Variants in MRTFA observed in about 807,000 individuals in gnomAD.
MRTFA encodes myocardin-related transcription factor A.
In MRTFA, 20 loss-of-function variants were observed where a neutral mutation model predicts 83.5. That is an observed-to-expected ratio of 0.24 (90% CI 0.17 to 0.35). The LOEUF is 0.35. Among genes scored for constraint, MRTFA ranks in the 10% least tolerant of loss-of-function variants. The pLI is 1.00. For missense variants in MRTFA, 1,200 were observed against 1,224.7 expected, an observed-to-expected ratio of 0.98 and a Z score of 0.30; for synonymous variants, 659 against 541.2, an observed-to-expected ratio of 1.22 and a Z score of -3.02.
intron 3 of MRTFA, chr22:40,523,458 G>GC (rs1431154102): frequency 1.3e-5 from 2 of 152,138 alleles, no homozygotes; most frequent in Non-Finnish European, 2.9e-5. Context: ...TCCCACTTCA[G>GC]CCCCCTAAGT....
intron 1 of MRTFA, among the ~76,000 whole-genome samples, chr22:40,609,959 TA>T (rs1446987776): frequency 3.3e-5 from 5 of 151,942 alleles, no homozygotes; most frequent in African/African-American, 1.2e-4. Context: ...CTAATCAGAG[TA>T]AAGAGGATAA....
intron 3 of MRTFA, among the ~76,000 whole-genome samples, chr22:40,513,602 CAAAAAAAAAAA>C (rs111580647): frequency 1.5e-5 from 1 of 65,920 alleles, no homozygotes; most frequent in African/African-American, 6.1e-5. Context: ...GACTCCATCT[CAAAAAAAAAAA>C]AAAAAGAAAA....
At chr22:40,459,267 C>T (rs941875990) in intron 4 of MRTFA, among the ~76,000 whole-genome samples, 1 of 141,410 alleles carries the variant, frequency 7.1e-6, no homozygotes, top group Non-Finnish European at 1.5e-5. Context: ...AAAAAAAGAG[C>T]CTCGTTTTTG....
intron 2 of MRTFA, among the ~76,000 whole-genome samples, chr22:40,574,896 G>T (rs951876090): frequency 6.6e-6 from 1 of 152,162 alleles, no homozygotes; most frequent in Admixed American, 6.5e-5. Context: ...ACTGATGAAC[G>T]ACTACAGTTG....
intron 3 of MRTFA, among the ~76,000 whole-genome samples, chr22:40,541,929 G>T (rs910733324): frequency 6.6e-6 from 1 of 152,116 alleles, no homozygotes. Flanking sequence ...GCCTCCCAAA[G>T]CGCTGGGATT....
intron 1 of MRTFA, among the ~76,000 whole-genome samples, chr22:40,612,340 G>A (rs1289630982): frequency 6.6e-6 from 1 of 152,204 alleles, no homozygotes; most frequent in African/African-American, 2.4e-5. Context: ...CTGCAATGGG[G>A]CTGCAAGAAG....
chr22:40,476,741 C>T (rs748963713), intron 3 of MRTFA, among the ~76,000 whole-genome samples: 4 of 152,128 alleles, frequency 2.6e-5, no homozygotes, highest in Non-Finnish European at 4.4e-5. Flanking sequence ...TATGAACCAC[C>T]GCGCAGCCTA....
At chr22:40,529,336 A>T (rs2055034749) in intron 3 of MRTFA, among the ~76,000 whole-genome samples, 1 of 152,174 alleles carries the variant, frequency 6.6e-6, no homozygotes, top group Admixed American at 6.5e-5. Flanking sequence ...TATTTTTTTG[A>T]GATGGAATCT....
intron 7 of MRTFA, among the ~76,000 whole-genome samples, chr22:40,427,280 A>G (rs116971651): frequency 6.6e-6 from 1 of 152,168 alleles, no homozygotes. Context: ...TCTGTGAATT[A>G]TAAGAGCTAC....
intron 3 of MRTFA, among the ~76,000 whole-genome samples, chr22:40,506,516 A>G (rs2054582691): frequency 6.6e-6 from 1 of 152,182 alleles, no homozygotes; most frequent in African/African-American, 2.4e-5. Context: ...AAACTGTGGT[A>G]TTTATCCCCA....
chr22:40,629,902 AT>A (rs1254562126), intron 1 of MRTFA, among the ~76,000 whole-genome samples: 2 of 151,910 alleles, frequency 1.3e-5, no homozygotes, highest in Non-Finnish European at 2.9e-5. Context: ...GTGAGCTATG[AT>A]CCCACCATAT....
chr22:40,462,492 A>G (rs895789825), intron 4 of MRTFA, among the ~76,000 whole-genome samples: 1 of 152,226 alleles, frequency 6.6e-6, no homozygotes, highest in Non-Finnish European at 1.5e-5. Flanking sequence ...GATAACATAC[A>G]AACAGAAAAG....
rs2056628785 is a variant in MRTFA, at chr22:40,630,309, CT to C, written c.-84+6168del. On this transcript the variant is annotated intron_variant, in intron 1 of 14. Transcript: ENST00000355630. Reference sequence around the variant, plus strand: ...CTACCCTAGGCAAGAGAACGAGACTCTGTCTCTCAAAAAATAAAAATAAAAA... The same window carrying C: ...CTACCCTAGGCAAGAGAACGAGACTCGTCTCTCAAAAAATAAAAATAAAAA... 2.6e-5 allele frequency among the ~76,000 whole-genome samples: 4 copies of C among 151,938 alleles called. No homozygotes were observed. In the South Asian group the frequency reaches 8.3e-4, roughly 32 times the overall value.
intron 9 of MRTFA, among the ~76,000 whole-genome samples, chr22:40,421,545 T>G (rs539027509): frequency 6.6e-6 from 1 of 152,288 alleles, no homozygotes; most frequent in African/African-American, 2.4e-5. Flanking sequence ...CTGTCGTGTC[T>G]ACTTGAAAAT....
rs367707947 is a variant in MRTFA, at chr22:40,496,171, T to C, written c.242-32885A>G. Among the ~76,000 whole-genome samples, 100 of 152,320 alleles carry C rather than the reference T, an allele frequency of 6.6e-4. 3 individuals carry two copies. The South Asian group carries it at 0.02, about 30-fold the overall frequency. On this transcript the variant is annotated intron_variant, in intron 3 of 14. Transcript: ENST00000355630. ...CTACCACTTAGCAGCTGCTGTGACC[T>C]TGAGATATTTAACATCTCTATGCCT...
intron 1 of MRTFA, among the ~76,000 whole-genome samples, chr22:40,626,841 T>C (rs1460128672): frequency 6.7e-6 from 1 of 149,276 alleles, no homozygotes; most frequent in Admixed American, 6.8e-5. Context: ...ATCCAGCCTG[T>C]GTATCAGAAT....
intron 1 of MRTFA, among the ~76,000 whole-genome samples, chr22:40,611,820 A>C (rs543522729): frequency 6.6e-6 from 1 of 152,308 alleles, no homozygotes; most frequent in South Asian, 2.1e-4. Flanking sequence ...TAACTACAAG[A>C]CCAAGAAGCA....
chr22:40,589,685 T>C (rs1357020087), intron 2 of MRTFA, among the ~76,000 whole-genome samples: 2 of 152,136 alleles, frequency 1.3e-5, no homozygotes, highest in African/African-American at 4.8e-5. Context: ...AAAACTAAAT[T>C]TGCGTCCCAA....
chr22:40,499,984 C>T (rs1224576778), intron 3 of MRTFA, among the ~76,000 whole-genome samples: 2 of 124,310 alleles, frequency 1.6e-5, no homozygotes, highest in South Asian at 2.6e-4. Flanking sequence ...TGAAATGGTA[C>T]GATCTCGGCT....
Sources: allele counts gnomAD v4.1 joint callset (sites outside exome capture counted in the v4.1 genomes callset), GRCh38; gene constraint gnomAD v4.1.1; transcripts MANE v1.5; gene names NCBI Gene and HGNC (gene_info 2026-07-23, HGNC 2026-07-21).